SLC22A13: variants seen among roughly 807,000 people sequenced by gnomAD.
SLC22A13 encodes the protein solute carrier family 22 member 13, also known as organic anion transporter 10.
SLC22A13 carries 42 observed loss-of-function variants against 49.1 expected under a neutral mutation model. The ratio of observed to expected loss-of-function variants is 0.85; its 90% CI spans 0.67 to 1.11. The LOEUF (loss-of-function observed/expected upper bound fraction) is 1.11. SLC22A13 is among the 50% of genes least tolerant of loss of function. The pLI is 0.00. For missense variants in SLC22A13, 694 were observed against 712.8 expected, an observed-to-expected ratio of 0.97 and a Z score of 0.30; for synonymous variants, 282 against 293.1, an observed-to-expected ratio of 0.96 and a Z score of 0.39.
At chr3:38,272,027 C>T (rs1286199813) in intron 1 of SLC22A13, among the ~76,000 whole-genome samples, 1 of 152,172 alleles carries the variant, frequency 6.6e-6, no homozygotes, top group Non-Finnish European at 1.5e-5. Context: ...CTACCACCTG[C>T]AACATGACAA....
chr3:38,272,994 T>G (rs191419012), intron 1 of SLC22A13, among the ~76,000 whole-genome samples: 1 of 152,176 alleles, frequency 6.6e-6, no homozygotes, highest in African/African-American at 2.4e-5. Flanking sequence ...AAGTTGATAA[T>G]AAGTGAAGGA....
chr3:38,276,719 G>A (rs1703588730), intron 8 of SLC22A13, among the ~76,000 whole-genome samples, 193 bp from the exon 9 acceptor site: 1 of 152,172 alleles, frequency 6.6e-6, no homozygotes, highest in African/African-American at 2.4e-5. Flanking sequence ...GACTTGACAG[G>A]CGAGCAGGGG....
Position 38,278,388 on chromosome 3 carries a change from C to T in SLC22A13, c.*923C>T, listed in dbSNP as rs576848671. ...TCTTCTTGGGCTTCTCAGAGATCTT[C>T]TCAGGCCTTGGTATTGTTCCTTAGA... is the stretch of plus-strand genomic sequence containing the variant. On this transcript the variant is annotated 3_prime_UTR_variant, in exon 10 of 10. Coordinates refer to ENST00000311856, the MANE Select transcript of SLC22A13 (RefSeq NM_004256.4). The T allele has an allele frequency of 2.0e-5, 3 of 152,490 alleles. No individual in the cohort carries two copies. Among genetic ancestry groups the T allele is most frequent in the Non-Finnish European group, 4.4e-5 (3 of 68,162 alleles). The allele number at this position is 152,490 out of a possible 1,614,324, so 9.4% of individuals were successfully genotyped here. A position where few individuals can be genotyped will look rare whatever the true frequency, so the allele number is the denominator to read the frequency against.
chr3:38,270,511 A>G (rs1703508786), intron 1 of SLC22A13: 2 of 214,688 alleles, frequency 9.3e-6, no homozygotes, highest in Non-Finnish European at 2.0e-5. Flanking sequence ...TTGAATGAGG[A>G]CGGAGATACC....
chr3:38,267,381 C>T (rs998267534), intron 1 of SLC22A13, among the ~76,000 whole-genome samples: 2 of 136,694 alleles, frequency 1.5e-5, no homozygotes, highest in East Asian at 2.6e-4. Flanking sequence ...CTGAGGCTGG[C>T]CAGCTTAGCC....
At chr3:38,273,096 G>A (rs535665546) in intron 1 of SLC22A13, among the ~76,000 whole-genome samples, 18 of 152,344 alleles carry the variant, frequency 1.2e-4, no homozygotes, top group African/African-American at 3.8e-4. Flanking sequence ...CTGGGAAGCT[G>A]GAGGAGAGCT....
At chr3:38,275,186 C>T in intron 4 of SLC22A13, 29 bp downstream of exon 4, 2 of 1,612,572 alleles carry the variant, frequency 1.2e-6, no homozygotes, top group South Asian at 1.1e-5. Flanking sequence ...AGGAGCAAGC[C>T]CCCCCAGGTT....
chr3:38,269,596 A>G (rs951356696), intron 1 of SLC22A13, among the ~76,000 whole-genome samples: 1 of 152,132 alleles, frequency 6.6e-6, no homozygotes, highest in African/African-American at 2.4e-5. Context: ...CCTTGCTTTT[A>G]GTGTGATGGC....
At chr3:38,269,161 G>T (rs1268648233) in intron 1 of SLC22A13, among the ~76,000 whole-genome samples, 2 of 152,162 alleles carry the variant, frequency 1.3e-5, no homozygotes, top group African/African-American at 2.4e-5. Flanking sequence ...AAAGTAACTA[G>T]TATTAGGATG....
chr3:38,277,664 G>T lies in SLC22A13; in HGVS notation c.*199G>T. The stretch of plus-strand genomic sequence containing the variant: ...CCACCATCTGAGACAGGACCTCCCG[G>T]CCTCCTTCACCTTTCTCATCTCCAG... On this transcript the variant is annotated 3_prime_UTR_variant, in exon 10 of 10. Coordinates refer to ENST00000311856, the MANE Select transcript of SLC22A13 (RefSeq NM_004256.4). The T allele has an allele frequency of 2.0e-6, 1 of 509,962 alleles. No individual in the cohort carries two copies. Among genetic ancestry groups the T allele is most frequent in the Non-Finnish European group, 3.5e-6 (1 of 284,812 alleles). The allele number at this position is 509,962 out of a possible 1,614,324, so 31.6% of individuals were successfully genotyped here.
chr3:38,271,169 GA>G (rs1238245619), intron 1 of SLC22A13, among the ~76,000 whole-genome samples: 1 of 152,144 alleles, frequency 6.6e-6, no homozygotes, highest in African/African-American at 2.4e-5. Flanking sequence ...ATACTAATTT[GA>G]AAAGAGAAAA....
chr3:38,276,716 C>T (rs966747081), intron 8 of SLC22A13, among the ~76,000 whole-genome samples, 196 bp from the exon 9 acceptor site: 5 of 152,242 alleles, frequency 3.3e-5, no homozygotes, highest in African/African-American at 4.8e-5. Flanking sequence ...TGAGACTTGA[C>T]AGGCGAGCAG....
chr3:38,275,858 C>T (rs761526603), intron 6 of SLC22A13, 24 bp from the exon 7 acceptor site: 1 of 1,605,726 alleles, frequency 6.2e-7, no homozygotes, highest in Non-Finnish European at 8.5e-7. Context: ...CCAGCAGTGA[C>T]AGGAACCCTT....
At chr3:38,277,293 C>CT in intron 9 of SLC22A13, 79 bp from the exon 10 acceptor site, 1 of 1,236,532 alleles carries the variant, frequency 8.1e-7, no homozygotes, top group Non-Finnish European at 1.2e-6. Flanking sequence ...ATTCCCCTTA[C>CT]TTTGAGGAGG....
In SLC22A13 at chr3:38,278,582, G is replaced by A. The variant is rs1020421851; in HGVS notation, c.*1117G>A. ...TGCCTGTAATCCCAGCACTTTGGGA[G>A]GCTGAGGCGGGCGGATTACCTGAGG... On this transcript the variant is annotated 3_prime_UTR_variant, in exon 10 of 10. Transcript: ENST00000311856. Among the ~76,000 whole-genome samples, 8 of 152,104 alleles carry A rather than the reference G, an allele frequency of 5.3e-5. No homozygotes were observed. Among genetic ancestry groups the A allele is most frequent in the Admixed American group, 5.2e-4 (8 of 15,270 alleles).
chr3:38,268,677 C>T (rs1336897546), intron 1 of SLC22A13, among the ~76,000 whole-genome samples: 2 of 152,072 alleles, frequency 1.3e-5, no homozygotes, highest in South Asian at 4.1e-4. Context: ...GTTACAGTCA[C>T]GTATATAGGG....
intron 1 of SLC22A13, among the ~76,000 whole-genome samples, chr3:38,267,681 C>G (rs1053048637): frequency 6.6e-6 from 1 of 152,130 alleles, no homozygotes. Flanking sequence ...CTTTGTTCCT[C>G]TAGTGGTCAG....
chr3:38,275,629 C>T lies in SLC22A13; in HGVS notation c.979C>T (p.His327Tyr), dbSNP rs1703571422. ...AGGGAATGCCCTGGATCTGTTCAGA[C>T]ACCCCCAGCTCCGGAAGGTGACCCT... ...PSGNALDLFR[H>Y]PQLRKVTLII... is the part of the protein sequence containing the mutation. Residue 327 changes from histidine (H) to tyrosine (Y), a missense_variant, in exon 6 of 10, where the codon CAC becomes TAC. By Grantham distance (83) the His-to-Tyr change is moderately conservative (BLOSUM62 2). Coordinates refer to ENST00000311856, the MANE Select transcript of SLC22A13 (RefSeq NM_004256.4). The T allele has an allele frequency of 3.7e-6, 6 of 1,614,224 alleles. No individual in the cohort carries two copies. The highest frequency in any genetic ancestry group is 1.7e-5 in the Admixed American group (1 of 60,034).
At chr3:38,270,311 A>G (rs551418426) in intron 1 of SLC22A13, 3 of 200,388 alleles carry the variant, frequency 1.5e-5, no homozygotes, top group Admixed American at 1.4e-4. Context: ...TGAGTGCAGA[A>G]TGCTCTGCAT....
Sources: gnomAD v4.1 joint callset for allele counts (sites outside exome capture counted in the v4.1 genomes callset) on GRCh38, gnomAD v4.1.1 for gene constraint, MANE v1.5 for transcripts, NCBI Gene and HGNC (gene_info 2026-07-23, HGNC 2026-07-21) for gene names.